ZNF106: variants seen among roughly 807,000 people sequenced by gnomAD.
ZNF106 encodes zinc finger protein 106.
ZNF106 carries 67 observed loss-of-function variants against 195.1 expected under a neutral mutation model. That is an observed-to-expected ratio of 0.34 (90% CI 0.28 to 0.42). ZNF106 has a LOEUF of 0.42. Ranked by LOEUF, ZNF106 falls within the 10% of genes least tolerant of loss-of-function variation. The pLI is 1.00. For synonymous variants in ZNF106, 784 were observed against 818.6 expected, an observed-to-expected ratio of 0.96 and a Z score of 0.72; for missense variants, 2,118 against 2,304.5, an observed-to-expected ratio of 0.92 and a Z score of 1.66.
intron 10 of ZNF106, 95 bp downstream of exon 10, chr15:42,441,978 T>A: frequency 6.5e-6 from 6 of 926,508 alleles, no homozygotes; most frequent in Non-Finnish European, 9.8e-6. Context: ...TTGCTCATTT[T>A]AGTTTTAATG....
At chr15:42,460,154 A>G (rs917707800) in intron 3 of ZNF106, among the ~76,000 whole-genome samples, 5 of 152,178 alleles carry the variant, frequency 3.3e-5, no homozygotes, top group Non-Finnish European at 7.3e-5. Flanking sequence ...TGAATATTGC[A>G]GTACCAGAGA....
chr15:42,486,959 G>T (rs2057029731), intron 1 of ZNF106, among the ~76,000 whole-genome samples: 1 of 151,716 alleles, frequency 6.6e-6, no homozygotes, highest in Admixed American at 6.6e-5. Context: ...GACCAGCCTG[G>T]CCAACATAGT....
intron 1 of ZNF106, among the ~76,000 whole-genome samples, chr15:42,473,543 G>C (rs982753816): frequency 6.6e-6 from 1 of 151,976 alleles, no homozygotes; most frequent in African/African-American, 2.4e-5. Flanking sequence ...AGTCCTTATG[G>C]TTCCCGTGGC....
intron 14 of ZNF106, among the ~76,000 whole-genome samples, chr15:42,430,734 G>A (rs2055020142): frequency 1.3e-5 from 2 of 151,970 alleles, no homozygotes; most frequent in African/African-American, 4.8e-5. Context: ...AAACCTGTTT[G>A]TCCTATCTTA....
At chr15:42,477,599 T>C (rs987877091) in intron 1 of ZNF106, among the ~76,000 whole-genome samples, 3 of 152,136 alleles carry the variant, frequency 2.0e-5, no homozygotes, top group African/African-American at 7.2e-5. Flanking sequence ...TTAAAAATTA[T>C]CCAGGTTGCT....
intron 13 of ZNF106, 149 bp from the exon 14 acceptor site, chr15:42,435,667 A>G: frequency 1.1e-6 from 1 of 930,690 alleles, no homozygotes; most frequent in Non-Finnish European, 1.6e-6. Context: ...GATGCTCAGT[A>G]AATGTATGTT....
rs747551428 is a variant in ZNF106 at position 42,417,971 on chromosome 15, G to A, written c.5518-20C>T. On this transcript the variant is annotated intron_variant, in intron 20 of 21. Coordinates refer to ENST00000564754, the MANE Select transcript of ZNF106 (RefSeq NM_001366845.3). ...ATGCCACTGGAGAGAAAGAAAATGA[G>A]GAGACTCGGTGAAAAAGGGTGCAGT... 2.5e-6 allele frequency: 4 copies of A among 1,606,842 alleles called. No individual in the cohort carries two copies. In the South Asian group the frequency reaches 3.3e-5, roughly 13 times the overall value.
chr15:42,460,204 T>C (rs1394573139), intron 3 of ZNF106, among the ~76,000 whole-genome samples: 1 of 152,178 alleles, frequency 6.6e-6, no homozygotes, highest in Non-Finnish European at 1.5e-5. Context: ...CCCTAAAAAG[T>C]ATTTTAAAAT....
chr15:42,451,910 T>C lies in ZNF106; in HGVS notation c.362A>G (p.Asp121Gly), dbSNP rs1057088792. ...TTCTCGTCTCCATTGGGGTCGTCTG[T>C]CATCAGAGTTTATTTCTTGGTTGCT... ...SNSNQEINSD[D>G]RRPQWRREDR... The change falls in exon 5 of 22, where the codon GAC becomes GGC. Residue 121 changes from aspartate (D) to glycine (G), a missense_variant. Transcript: ENST00000564754. 5 of 1,613,308 alleles carry C rather than the reference T, an allele frequency of 3.1e-6. No individual in the cohort carries two copies. In the African/African-American group the frequency reaches 5.3e-5, roughly 17 times the overall value.
At chr15:42,476,872 C>A (rs778488885) in intron 1 of ZNF106, among the ~76,000 whole-genome samples, 2 of 152,116 alleles carry the variant, frequency 1.3e-5, no homozygotes, top group Admixed American at 6.5e-5. Context: ...ATAATAATAT[C>A]TTTTCTCTAG....
intron 1 of ZNF106, among the ~76,000 whole-genome samples, chr15:42,486,150 A>G (rs915982185): frequency 5.9e-5 from 9 of 151,658 alleles, no homozygotes; most frequent in Non-Finnish European, 1.0e-4. Context: ...TAGTAGAGAT[A>G]GAGTTTCACT....
chr15:42,428,829 T>C (rs1470306439), intron 14 of ZNF106, among the ~76,000 whole-genome samples: 2 of 151,440 alleles, frequency 1.3e-5, no homozygotes, highest in Admixed American at 1.3e-4. Flanking sequence ...AGTGGTGCGA[T>C]CTCGGCTCAC....
In ZNF106 at chr15:42,428,114, C is replaced by G. The variant is rs140334907; in HGVS notation, c.4902G>C (p.Gln1634His). The G allele has an allele frequency of 3.7e-6, 6 of 1,614,066 alleles. No individual in the cohort carries two copies. In the African/African-American group the frequency reaches 4.0e-5, roughly 11 times the overall value. Residue 1634 changes from glutamine (Q) to histidine (H), a missense_variant, in exon 15 of 22, where the codon CAG (glutamine) becomes CAC (histidine). Gln to His is a conservative substitution (Grantham distance 24, BLOSUM62 0). Transcript: ENST00000564754. ...AGAGGACCCGGTCTTCCAGCTGTAA[C>G]TGCTCCACACACTCTCGGCTCTGAT... is the stretch of plus-strand genomic sequence containing the variant. ...YNVKSRECVE[Q>H]LQLEDRVLCL...
intron 10 of ZNF106, among the ~76,000 whole-genome samples, chr15:42,440,860 G>A (rs2055474129): frequency 6.7e-6 from 1 of 149,028 alleles, no homozygotes; most frequent in Non-Finnish European, 1.5e-5. Flanking sequence ...GTGGGCGCCT[G>A]TAATCCCAGC....
intron 1 of ZNF106, among the ~76,000 whole-genome samples, chr15:42,478,874 C>T (rs996420982): frequency 4.6e-5 from 7 of 152,146 alleles, no homozygotes; most frequent in African/African-American, 1.7e-4. Context: ...GAGGATACCA[C>T]ATTACATTTA....
chr15:42,484,462 T>TA (rs2056966428), intron 1 of ZNF106, among the ~76,000 whole-genome samples: 3 of 152,282 alleles, frequency 2.0e-5, no homozygotes, highest in Non-Finnish European at 2.9e-5. Flanking sequence ...ATATTGTTGA[T>TA]AAAAAATACC....
Position 42,415,631 on chromosome 15 carries a change from G to A in ZNF106, c.*1673C>T, listed in dbSNP as rs1187545414. On this transcript the variant is annotated 3_prime_UTR_variant, in exon 22 of 22. Transcript: ENST00000564754. ...ATATATGTGCACTAACAGGGGCGAA[G>A]ACAGACCTGGATGGTCTGCAATCCC... 10 of 334,804 alleles carry A rather than the reference G, an allele frequency of 3.0e-5. No individual in the cohort carries two copies. The highest frequency in any genetic ancestry group is 4.8e-5 in the South Asian group (2 of 41,564). 20.7% of individuals were successfully genotyped at this position (334,804 alleles called of 1,614,324 possible).
intron 1 of ZNF106, among the ~76,000 whole-genome samples, chr15:42,478,441 C>T (rs923360162): frequency 6.6e-6 from 1 of 151,696 alleles, no homozygotes; most frequent in Non-Finnish European, 1.5e-5. Context: ...GGATTACAGG[C>T]ATGAGCCACT....
intron 1 of ZNF106, among the ~76,000 whole-genome samples, chr15:42,481,342 G>GT (rs10706782): frequency 0.14 from 17,181 of 119,320 alleles, 1,215 homozygotes; most frequent in Non-Finnish European, 0.18. Flanking sequence ...TATTCTTTCT[G>GT]TTTTTTTTTT....
Sources: allele counts gnomAD v4.1 joint callset (sites outside exome capture counted in the v4.1 genomes callset), GRCh38; gene constraint gnomAD v4.1.1; transcripts MANE v1.5; gene names NCBI Gene and HGNC (gene_info 2026-07-23, HGNC 2026-07-21).